Variants in STAB2 observed in about 807,000 individuals in gnomAD.
STAB2 encodes stabilin 2.
A neutral mutation model predicts 338.1 loss-of-function variants in STAB2; 288 were observed. The observed-to-expected ratio is 0.85, with a 90% CI of 0.77 to 0.94. STAB2 has a LOEUF of 0.94. STAB2 is among the 40% of genes least tolerant of loss of function. STAB2 has a pLI of 0.00. For missense variants in STAB2, 3,141 were observed against 3,210.1 expected, an observed-to-expected ratio of 0.98 and a Z score of 0.52; for synonymous variants, 1,202 against 1,193.3, an observed-to-expected ratio of 1.01 and a Z score of -0.15.
At chr12:103,740,905 T>C in intron 55 of STAB2, 149 bp downstream of exon 55, 1 of 1,174,434 alleles carries the variant, frequency 8.5e-7, no homozygotes, top group Admixed American at 3.5e-5. Flanking sequence ...AAGAGTTGTG[T>C]ATCATTCCTT....
chr12:103,716,128 G>GCAAATA (rs1880295044), intron 43 of STAB2, among the ~76,000 whole-genome samples: 1 of 152,228 alleles, frequency 6.6e-6, no homozygotes, highest in Non-Finnish European at 1.5e-5. Context: ...GTAGGTATCT[G>GCAAATA]CAAATACCAT....
chr12:103,754,390 T>C (rs767935906), intron 61 of STAB2, among the ~76,000 whole-genome samples: 3 of 152,164 alleles, frequency 2.0e-5, no homozygotes, highest in Admixed American at 2.0e-4. Context: ...GCCAGCTGTG[T>C]GACTTTGAGC....
Position 103,610,653 on chromosome 12 carries a change from A to G in STAB2, c.332-9815A>G, listed in dbSNP as rs564116349. Among the ~76,000 whole-genome samples, 6 of 152,114 alleles carry G rather than the reference A, an allele frequency of 3.9e-5. No individual in the cohort carries two copies. In the South Asian group the frequency reaches 1.2e-3, roughly 32 times the overall value. On this transcript the variant is annotated intron_variant, in intron 3 of 68. Transcript: ENST00000388887. ...CAAAAAACCAGCTCCTGGATTCATT[A>G]ATTTTTTGAAGGGTTTTTTATGTCT...
At chr12:103,596,869 G>A (rs1002571794) in intron 3 of STAB2, among the ~76,000 whole-genome samples, 4 of 141,784 alleles carry the variant, frequency 2.8e-5, no homozygotes, top group Admixed American at 7.7e-5. Context: ...TGAGGCTGGA[G>A]AATAACTTGG....
At chr12:103,654,284 C>T (rs1024732294) in intron 12 of STAB2, among the ~76,000 whole-genome samples, 7 of 152,326 alleles carry the variant, frequency 4.6e-5, no homozygotes, top group Admixed American at 3.9e-4. Context: ...AGCTTGCAGT[C>T]TGCTGGAGAA....
intron 62 of STAB2, 70 bp from the exon 63 acceptor site, chr12:103,755,542 C>A: frequency 1.2e-6 from 2 of 1,609,386 alleles, no homozygotes; most frequent in Non-Finnish European, 1.7e-6. Context: ...CAGTCACTCC[C>A]CAAGCAGAAG....
chr12:103,663,590 C>A (rs2138780650), intron 18 of STAB2, among the ~76,000 whole-genome samples: 1 of 152,244 alleles, frequency 6.6e-6, no homozygotes, highest in African/African-American at 2.4e-5. Context: ...TTAAGCGATC[C>A]TCTCATCTCG....
At chr12:103,642,386 T>G (rs955165038) in intron 9 of STAB2, among the ~76,000 whole-genome samples, 4 of 152,188 alleles carry the variant, frequency 2.6e-5, no homozygotes, top group Non-Finnish European at 4.4e-5. Flanking sequence ...CAGTTTACAT[T>G]CCAGTTGTGC....
intron 30 of STAB2, among the ~76,000 whole-genome samples, chr12:103,691,715 T>C (rs1353459748): frequency 6.6e-6 from 1 of 152,166 alleles, no homozygotes; most frequent in Non-Finnish European, 1.5e-5. Flanking sequence ...TAAAGACACA[T>C]TTGTAATGAG....
chr12:103,637,184 A>T lies in STAB2; in HGVS notation c.657A>T (p.Lys219Asn), dbSNP rs1386463002. Residue 219 changes from lysine to asparagine, a missense_variant, in exon 7 of 69, where the codon AAA (lysine) becomes AAT (asparagine). Physicochemically the swap from Lys to Asn is moderately conservative, Grantham distance 94. Transcript: ENST00000388887. ...CGCCTTCCACTGAAGATGAAAACAA[A>T]CTGGAATGCAAATGCCTTCCCAATT... Reference protein sequence around the residue: ...RCSPSTEDENKLECKCLPNYR... With the variant: ...RCSPSTEDENNLECKCLPNYR... 25 of 1,613,134 alleles carry T rather than the reference A, an allele frequency of 1.5e-5. No individual in the cohort carries two copies. The highest frequency in any genetic ancestry group is 2.1e-5 in the Non-Finnish European group (25 of 1,179,762).
intron 48 of STAB2, 94 bp downstream of exon 48, chr12:103,729,089 A>T: frequency 7.9e-7 from 1 of 1,268,210 alleles, no homozygotes; most frequent in Non-Finnish European, 1.1e-6. Context: ...TCAGCAAACT[A>T]ATGCAGGAAC....
intron 26 of STAB2, 116 bp downstream of exon 26, chr12:103,683,416 G>T: frequency 1.2e-6 from 1 of 863,320 alleles, no homozygotes. Flanking sequence ...ACCCCCAAAA[G>T]GGAATCTCTA....
chr12:103,720,647 C>A (rs948893801), intron 44 of STAB2, among the ~76,000 whole-genome samples: 2 of 152,216 alleles, frequency 1.3e-5, no homozygotes, highest in Non-Finnish European at 2.9e-5. Context: ...TATTTCTGCT[C>A]AAGTCCTACC....
chr12:103,684,270 C>A (rs1278028859), intron 26 of STAB2, among the ~76,000 whole-genome samples: 1 of 152,106 alleles, frequency 6.6e-6, no homozygotes, highest in Non-Finnish European at 1.5e-5. Context: ...TCTAACTGGC[C>A]CAACTGGGTG....
intron 58 of STAB2, among the ~76,000 whole-genome samples, chr12:103,748,720 G>A (rs1165897065): frequency 1.3e-5 from 2 of 151,700 alleles, no homozygotes; most frequent in Non-Finnish European, 1.5e-5. Context: ...AAGCCTGGAG[G>A]TATATGACAA....
chr12:103,625,562 A>G (rs983460636), intron 5 of STAB2, among the ~76,000 whole-genome samples: 2 of 151,842 alleles, frequency 1.3e-5, no homozygotes, highest in Admixed American at 6.6e-5. Context: ...TCCTGTGTCC[A>G]TGTGTTCTCA....
chr12:103,749,729 A>G (rs890786330), intron 59 of STAB2, among the ~76,000 whole-genome samples: 6 of 150,640 alleles, frequency 4.0e-5, no homozygotes, highest in Admixed American at 1.3e-4. Flanking sequence ...AGTCCCAGCT[A>G]CTCGGGAGGC....
At chr12:103,597,102 G>A (rs540467511) in intron 3 of STAB2, among the ~76,000 whole-genome samples, 12 of 152,106 alleles carry the variant, frequency 7.9e-5, no homozygotes, top group South Asian at 4.2e-4. Flanking sequence ...GGGGCAAAAC[G>A]GTACTCCTCT....
At chr12:103,708,725 T>C (rs6539098) in intron 39 of STAB2, among the ~76,000 whole-genome samples, 189 bp downstream of exon 39, 58,533 of 152,036 alleles carry the variant, frequency 0.38, 14,832 homozygotes, top group African/African-American at 0.71. Context: ...ACTCATAACC[T>C]CAAGGCAGGA....
Sources: allele counts gnomAD v4.1 joint callset (sites outside exome capture counted in the v4.1 genomes callset), GRCh38; gene constraint gnomAD v4.1.1; transcripts MANE v1.5; gene names NCBI Gene and HGNC (gene_info 2026-07-23, HGNC 2026-07-21).